The following TRAPPC9 variants were observed in gnomAD, a reference collection of about 807,000 sequenced individuals.
The protein encoded by TRAPPC9 is IKK2 binding protein.
Under a neutral mutation model 124.0 loss-of-function variants are expected in TRAPPC9, and 83 were observed. The observed-to-expected ratio is 0.67, with a 90% CI of 0.56 to 0.80. The LOEUF is 0.80. Ranked by LOEUF, TRAPPC9 falls within the 30% of genes least tolerant of loss-of-function variation. The pLI is 0.00. For missense variants in TRAPPC9, 1,302 were observed against 1,508.3 expected, an observed-to-expected ratio of 0.86 and a Z score of 2.27; for synonymous variants, 638 against 617.5, an observed-to-expected ratio of 1.03 and a Z score of -0.49.
intron 17 of TRAPPC9, among the ~76,000 whole-genome samples, chr8:140,052,926 G>T (rs1015818962): frequency 1.4e-4 from 21 of 152,138 alleles, no homozygotes; most frequent in Non-Finnish European, 4.4e-5. Context: ...CAGCCTGAGT[G>T]ACAAAGTGAG....
intron 17 of TRAPPC9, among the ~76,000 whole-genome samples, chr8:140,033,091 C>T (rs914877144): frequency 7.9e-5 from 12 of 152,020 alleles, no homozygotes; most frequent in African/African-American, 2.9e-4. Context: ...TGTCCAAATT[C>T]CTGGGAGGTT....
At chr8:139,918,092 C>T (rs1333448716) in intron 19 of TRAPPC9, among the ~76,000 whole-genome samples, 1 of 152,246 alleles carries the variant, frequency 6.6e-6, no homozygotes, top group Non-Finnish European at 1.5e-5. Flanking sequence ...GAGCCTCGCA[C>T]TCCTTCAATC....
At chr8:140,380,786 GA>G (rs1218765921) in intron 7 of TRAPPC9, among the ~76,000 whole-genome samples, 1 of 148,730 alleles carries the variant, frequency 6.7e-6, no homozygotes, top group Non-Finnish European at 1.5e-5. Context: ...AAGAAAACAA[GA>G]AATCTTAATG....
chr8:139,918,617 T>C (rs1832303919), intron 19 of TRAPPC9, among the ~76,000 whole-genome samples: 1 of 152,242 alleles, frequency 6.6e-6, no homozygotes, highest in South Asian at 2.1e-4. Flanking sequence ...AGCAGTGCTG[T>C]TCTCAGCGTG....
chr8:140,232,218 G>A (rs936977984), intron 16 of TRAPPC9, among the ~76,000 whole-genome samples: 3 of 152,106 alleles, frequency 2.0e-5, no homozygotes, highest in Non-Finnish European at 4.4e-5. Flanking sequence ...GATTACTGGT[G>A]TGAGCCACTG....
intron 19 of TRAPPC9, among the ~76,000 whole-genome samples, chr8:139,973,753 G>A (rs925922038): frequency 6.6e-6 from 1 of 152,140 alleles, no homozygotes; most frequent in African/African-American, 2.4e-5. Context: ...CCACATGCAG[G>A]ACCCTCTGGG....
At position 140,291,002 on chromosome 8, in the gene TRAPPC9, A is replaced by G. The variant is rs955871670; in HGVS notation, c.1845T>C (p.Val615=). 12 of 1,614,166 alleles carry G rather than the reference A, an allele frequency of 7.4e-6. No homozygotes were observed. Among genetic ancestry groups the G allele is most frequent in the Non-Finnish European group, 1.0e-5 (12 of 1,179,980 alleles). ...GATTGGTGATACATACCATGTTTTC[A>G]ACTCGAAGTTCAAACGGCATTGGGT... ...VYNPMPFELR[V]ENMGLLTSGV... The change falls in exon 12 of 23, where the codon GTT becomes GTC. Residue 615 remains valine (V), a synonymous_variant. Transcript: ENST00000438773.
At chr8:140,366,014 C>A (rs1237020375) in intron 8 of TRAPPC9, among the ~76,000 whole-genome samples, 1 of 152,188 alleles carries the variant, frequency 6.6e-6, no homozygotes, top group Non-Finnish European at 1.5e-5. Context: ...TAAGTGAGAA[C>A]ATGTGGTATT....
chr8:140,424,269 A>C (rs1318667703), intron 5 of TRAPPC9, among the ~76,000 whole-genome samples: 1 of 152,084 alleles, frequency 6.6e-6, no homozygotes, highest in Non-Finnish European at 1.5e-5. Flanking sequence ...AAAAGCAATT[A>C]TGAGTCAACT....
intron 7 of TRAPPC9, among the ~76,000 whole-genome samples, chr8:140,373,200 G>C (rs2068333050): frequency 7.9e-5 from 12 of 152,236 alleles, no homozygotes; most frequent in Admixed American, 7.9e-4. Context: ...CTAATGACAG[G>C]CTAGTCCCCT....
chr8:140,307,451 T>C (rs2066169173), intron 10 of TRAPPC9, among the ~76,000 whole-genome samples: 1 of 152,160 alleles, frequency 6.6e-6, no homozygotes, highest in African/African-American at 2.4e-5. Context: ...AACTATTTAC[T>C]CATTCAACAC....
chr8:139,983,145 C>T (rs1837020452), intron 19 of TRAPPC9, among the ~76,000 whole-genome samples: 2 of 152,194 alleles, frequency 1.3e-5, no homozygotes, highest in African/African-American at 2.4e-5. Context: ...CCCTTTGCCC[C>T]TCCCACCATG....
chr8:140,037,010 G>A (rs958390285), intron 17 of TRAPPC9, among the ~76,000 whole-genome samples: 91 of 148,954 alleles, frequency 6.1e-4, no homozygotes, highest in African/African-American at 1.9e-3. Context: ...CCCCACCCCC[G>A]ACAGGCCCTG....
chr8:140,163,164 C>T (rs1306187945), intron 17 of TRAPPC9, among the ~76,000 whole-genome samples: 4 of 152,216 alleles, frequency 2.6e-5, no homozygotes, highest in Admixed American at 6.5e-5. Context: ...CCACCAGTCC[C>T]GCCAGCCCTG....
At chr8:140,136,756 T>G (rs2061311300) in intron 17 of TRAPPC9, among the ~76,000 whole-genome samples, 1 of 152,080 alleles carries the variant, frequency 6.6e-6, no homozygotes, top group African/African-American at 2.4e-5. Context: ...GAGAATCACT[T>G]GAACCAGGGA....
chr8:140,249,371 T>C (rs957123841), intron 16 of TRAPPC9, among the ~76,000 whole-genome samples: 2 of 152,248 alleles, frequency 1.3e-5, no homozygotes, highest in Non-Finnish European at 2.9e-5. Flanking sequence ...CATTCTGTTC[T>C]ATGGCTGCAT....
chr8:139,828,561 C>T (rs1377423685), intron 21 of TRAPPC9, among the ~76,000 whole-genome samples: 2 of 152,234 alleles, frequency 1.3e-5, no homozygotes, highest in African/African-American at 2.4e-5. Flanking sequence ...TTTGAAGGAA[C>T]ATCCTGAGAT....
intron 4 of TRAPPC9, among the ~76,000 whole-genome samples, chr8:140,430,056 A>T (rs1025097788): frequency 2.0e-5 from 3 of 151,452 alleles, no homozygotes; most frequent in Non-Finnish European, 4.4e-5. Context: ...CTGAGGCAGG[A>T]GAATCACTCG....
intron 18 of TRAPPC9, among the ~76,000 whole-genome samples, chr8:139,997,607 C>T (rs1838102755): frequency 7.0e-6 from 1 of 143,806 alleles, no homozygotes; most frequent in Non-Finnish European, 1.5e-5. Context: ...ATGCATCCTA[C>T]ACAGGGAGAC....
Sources: gnomAD v4.1 joint callset for allele counts (sites outside exome capture counted in the v4.1 genomes callset) on GRCh38, gnomAD v4.1.1 for gene constraint, MANE v1.5 for transcripts, NCBI Gene and HGNC (gene_info 2026-07-23, HGNC 2026-07-21) for gene names.